The following TJP1 variants were observed in gnomAD, a reference collection of about 807,000 sequenced individuals.
TJP1 encodes the protein tight junction protein ZO-1.
Under a neutral mutation model 194.2 loss-of-function variants are expected in TJP1, and 43 were observed. The ratio of observed to expected loss-of-function variants is 0.22; its 90% CI spans 0.17 to 0.29. The LOEUF is 0.29. TJP1 is among the 10% of genes least tolerant of loss of function. The probability of loss-of-function intolerance (pLI) is 1.00; values close to 1 mark genes in which losing one functional copy is unlikely to be tolerated. For missense variants in TJP1, 1,971 were observed against 2,185.7 expected (o/e 0.90, Z 1.96); for synonymous variants, 801 against 779.0 (o/e 1.03, Z -0.47).
At chr15:29,931,556 T>C (rs1016563949) in intron 2 of TJP1, among the ~76,000 whole-genome samples, 14 of 152,326 alleles carry the variant, frequency 9.2e-5, no homozygotes, top group Middle Eastern at 6.8e-3. Context: ...AAACTCCTGC[T>C]AGGGTTTTCT....
chr15:29,817,426 A>G (rs2050003684), intron 1 of TJP1, among the ~76,000 whole-genome samples: 1 of 152,200 alleles, frequency 6.6e-6, no homozygotes, highest in African/African-American at 2.4e-5. Flanking sequence ...TAGTATGGCA[A>G]TTCCTCAAGG....
chr15:29,776,678 C>A (rs916162038), intron 2 of TJP1, among the ~76,000 whole-genome samples: 1 of 152,028 alleles, frequency 6.6e-6, no homozygotes. Context: ...CTTAGTCTTT[C>A]GGAAAATACT....
In TJP1 at chr15:29,726,432, T is replaced by G. The variant is rs1286460667; in HGVS notation, c.2359A>C (p.Lys787Gln). 4 of 1,614,100 alleles carry G rather than the reference T, an allele frequency of 2.5e-6. No homozygotes were observed. Among genetic ancestry groups the G allele is most frequent in the Non-Finnish European group, 3.4e-6 (4 of 1,179,994 alleles). ...TTTTGCTGTTGTTGAATTGCTTCTT[T>G]CAGCGCACCATACCAACCATCATTC... ...SMNDGWYGAL[K>Q]EAIQQQQNQL... is the part of the protein sequence containing the mutation. The change falls in exon 18 of 28, where the codon AAA becomes CAA. Residue 787 changes from lysine to glutamine, a missense_variant. Coordinates refer to ENST00000614355, the MANE Select transcript of TJP1 (RefSeq NM_001330239.4).
intron 2 of TJP1, among the ~76,000 whole-genome samples, chr15:29,897,575 A>T (rs2053515266): frequency 6.6e-6 from 1 of 152,158 alleles, no homozygotes; most frequent in African/African-American, 2.4e-5. Flanking sequence ...AGATCCACCA[A>T]CAGCGTGCAC....
chr15:29,862,129 A>G (rs1438107100), intron 2 of TJP1, among the ~76,000 whole-genome samples: 1 of 152,200 alleles, frequency 6.6e-6, no homozygotes, highest in Non-Finnish European at 1.5e-5. Flanking sequence ...CTAGTCCAAC[A>G]TCTTCATTTT....
chr15:29,809,850 A>T (rs1324569893), intron 1 of TJP1, among the ~76,000 whole-genome samples: 1 of 152,040 alleles, frequency 6.6e-6, no homozygotes, highest in African/African-American at 2.4e-5. Context: ...TCCGTCTTAA[A>T]AAAAAAAAAC....
intron 26 of TJP1, among the ~76,000 whole-genome samples, chr15:29,704,945 CTGCTAAAAGA>C (rs1220228350): frequency 6.6e-6 from 1 of 152,192 alleles, no homozygotes; most frequent in Non-Finnish European, 1.5e-5. Context: ...AGTAAAAGCA[CTGCTAAAAGA>C]TGCTAAATCA....
chr15:29,737,642 C>CA (rs1291550478), intron 10 of TJP1, among the ~76,000 whole-genome samples: 11 of 152,184 alleles, frequency 7.2e-5, no homozygotes, highest in African/African-American at 2.4e-4. Context: ...TATGCAAGTA[C>CA]TATTTTACAT....
intron 2 of TJP1, among the ~76,000 whole-genome samples, chr15:29,893,967 GTTTTGATCAGA>G (rs951239929): frequency 6.6e-6 from 1 of 152,096 alleles, no homozygotes; most frequent in African/African-American, 2.4e-5. Context: ...TTTCCTTTGT[GTTTTGATCAGA>G]TACTAGGAAG....
intron 2 of TJP1, among the ~76,000 whole-genome samples, chr15:29,860,824 G>A (rs1184481011): frequency 6.6e-6 from 1 of 152,148 alleles, no homozygotes; most frequent in African/African-American, 2.4e-5. Flanking sequence ...CTAGCAAGTC[G>A]ACAGGCACCA....
chr15:29,772,697 T>C (rs2046770079), intron 3 of TJP1, among the ~76,000 whole-genome samples: 1 of 152,230 alleles, frequency 6.6e-6, no homozygotes, highest in African/African-American at 2.4e-5. Flanking sequence ...TCTTTTTCAC[T>C]ATTTTTACAG....
Position 29,951,383 on chromosome 15 carries a change from G to T in TJP1, c.306+4849C>A, listed in dbSNP as rs550768042. The stretch of plus-strand genomic sequence containing the variant: ...GGGTTTTACCAGGTTGACCAGGCTG[G>T]TCTCGAACTCCTGACCTCAGAAGAT... On this transcript the variant is annotated intron_variant, in intron 2 of 28. Transcript: ENST00000356107. 9.9e-5 allele frequency among the ~76,000 whole-genome samples: 15 copies of T among 152,126 alleles called. 1 individual carries two copies. The South Asian group carries it at 2.7e-3, about 27-fold the overall frequency.
chr15:29,753,729 T>G (rs1056253485), intron 8 of TJP1, among the ~76,000 whole-genome samples: 1 of 151,434 alleles, frequency 6.6e-6, no homozygotes, highest in Non-Finnish European at 1.5e-5. Context: ...AAGAAGTCAC[T>G]GATTCGACTC....
At chr15:29,732,553 C>T in intron 14 of TJP1, 25 bp from the exon 15 acceptor site, 1 of 1,613,830 alleles carries the variant, frequency 6.2e-7, no homozygotes, top group Non-Finnish European at 8.5e-7. Context: ...ACATGAAAAA[C>T]AGCATATTTT....
chr15:29,944,961 GC>G (rs1195310903), intron 2 of TJP1, among the ~76,000 whole-genome samples: 1 of 152,172 alleles, frequency 6.6e-6, no homozygotes, highest in Non-Finnish European at 1.5e-5. Flanking sequence ...GTTTGACTAT[GC>G]CACTTAACCC....
At chr15:29,738,389 A>C (rs895528743) in intron 10 of TJP1, among the ~76,000 whole-genome samples, 13 of 152,220 alleles carry the variant, frequency 8.5e-5, no homozygotes, top group African/African-American at 3.1e-4. Context: ...CAAATAAATG[A>C]ATGAAATGTG....
At chr15:29,854,155 T>A (rs2051754781) in intron 2 of TJP1, among the ~76,000 whole-genome samples, 1 of 152,112 alleles carries the variant, frequency 6.6e-6, no homozygotes, top group Non-Finnish European at 1.5e-5. Flanking sequence ...AATGTAATAT[T>A]TTATACACCA....
intron 19 of TJP1, 124 bp downstream of exon 19, chr15:29,720,234 T>C (rs2042846147): frequency 8.9e-7 from 1 of 1,126,328 alleles, no homozygotes; most frequent in East Asian, 2.4e-5. Context: ...TACTCTCAAA[T>C]TGAAATTGAA....
intron 1 of TJP1, among the ~76,000 whole-genome samples, chr15:29,812,161 TA>T (rs1435894280): frequency 3.3e-5 from 5 of 152,212 alleles, no homozygotes; most frequent in African/African-American, 1.2e-4. Flanking sequence ...AACTCACATA[TA>T]AGTAAAACTT....
Sources: gnomAD v4.1 joint callset for allele counts (sites outside exome capture counted in the v4.1 genomes callset) on GRCh38, gnomAD v4.1.1 for gene constraint, MANE v1.5 for transcripts, NCBI Gene and HGNC (gene_info 2026-07-23, HGNC 2026-07-21) for gene names.